The following INSYN2B variants were observed in gnomAD, a reference collection of about 807,000 sequenced individuals.
The protein encoded by INSYN2B is protein INSYN2B.
Under a neutral mutation model 41.2 loss-of-function variants are expected in INSYN2B, and 16 were observed. The ratio of observed to expected loss-of-function variants is 0.39; its 90% confidence interval spans 0.26 to 0.59. The LOEUF (loss-of-function observed/expected upper bound fraction) is 0.59. Among genes scored for constraint, INSYN2B ranks in the 20% least tolerant of loss-of-function variants. The pLI is 0.57. For synonymous variants in INSYN2B, 245 were observed against 244.4 expected, an observed-to-expected ratio of 1.00 and a Z score of -0.02; for missense variants, 608 against 646.4, an observed-to-expected ratio of 0.94 and a Z score of 0.64.
At chr5:169,891,350 T>C (rs1165874730) in intron 1 of INSYN2B, among the ~76,000 whole-genome samples, 4 of 152,234 alleles carry the variant, frequency 2.6e-5, no homozygotes, top group Non-Finnish European at 5.9e-5. Context: ...ACTTTAGTAT[T>C]TGTTGAATGA....
At chr5:169,895,434 G>A (rs79960070) in intron 1 of INSYN2B, among the ~76,000 whole-genome samples, 9,338 of 152,074 alleles carry the variant, frequency 0.061, 358 homozygotes, top group Non-Finnish European at 0.088. Flanking sequence ...CTGGAGATCC[G>A]GGGACAGGGG....
rs189370464 is a variant in INSYN2B at position 169,872,725 on chromosome 5, C to T, written c.1422-8266G>A. ...GAAAGTTAACACACTTATTCACTGACGATGCAAGGTCACAAGGAAAGAGGG... is the reference window on the plus strand; with the variant it reads ...GAAAGTTAACACACTTATTCACTGATGATGCAAGGTCACAAGGAAAGAGGG... On this transcript the variant is annotated intron_variant, in intron 3 of 3. Transcript: ENST00000377365. Among the ~76,000 whole-genome samples the T allele has an allele frequency of 4.2e-3, 643 of 152,238 alleles. 7 individuals are homozygous for T. The highest frequency in any genetic ancestry group is 0.014 in the African/African-American group (600 of 41,540).
At chr5:169,977,940 C>T (rs1384818202) in intron 1 of INSYN2B, among the ~76,000 whole-genome samples, 1 of 152,152 alleles carries the variant, frequency 6.6e-6, no homozygotes, top group Non-Finnish European at 1.5e-5. Flanking sequence ...AACCAGATGG[C>T]AGACATGGGG....
chr5:169,965,053 C>T (rs562248510), intron 1 of INSYN2B, among the ~76,000 whole-genome samples: 1 of 152,208 alleles, frequency 6.6e-6, no homozygotes. Context: ...TCTGTTGAAG[C>T]CCTACTGTGT....
At chr5:169,945,393 G>A (rs1038954925) in intron 1 of INSYN2B, among the ~76,000 whole-genome samples, 1 of 152,188 alleles carries the variant, frequency 6.6e-6, no homozygotes, top group Non-Finnish European at 1.5e-5. Context: ...GAACTCTTTG[G>A]GTCTCAGAGT....
chr5:169,956,057 C>A (rs1210488309), intron 1 of INSYN2B, among the ~76,000 whole-genome samples: 1 of 150,858 alleles, frequency 6.6e-6, no homozygotes, highest in Non-Finnish European at 1.5e-5. Flanking sequence ...AAAAAAAGAG[C>A]CCAGGCTTGG....
At chr5:169,967,472 TG>T (rs1777345108) in intron 1 of INSYN2B, among the ~76,000 whole-genome samples, 2 of 152,250 alleles carry the variant, frequency 1.3e-5, no homozygotes, top group South Asian at 4.1e-4. Flanking sequence ...AAGTTCTGTG[TG>T]GCCGGATGAT....
chr5:169,917,627 CG>C (rs1774948528), intron 1 of INSYN2B, among the ~76,000 whole-genome samples: 1 of 151,920 alleles, frequency 6.6e-6, no homozygotes, highest in Admixed American at 6.6e-5. Flanking sequence ...TTGGTGATTG[CG>C]AAACACTAGA....
chr5:169,979,069 A>G (rs1299006391), intron 1 of INSYN2B, among the ~76,000 whole-genome samples: 1 of 152,170 alleles, frequency 6.6e-6, no homozygotes. Context: ...ATTCCTAGGT[A>G]GTAAATATGT....
Position 169,980,442 on chromosome 5 carries a change from A to G in INSYN2B, c.-1084T>C, listed in dbSNP as rs770000321. 6.6e-6 allele frequency: 1 copy of G among 152,160 alleles called. No individual in the cohort carries two copies. The allele number at this position is 152,160 out of a possible 1,614,324, so 9.4% of individuals were successfully genotyped here. A position where few individuals can be genotyped will look rare whatever the true frequency, so the allele number is the denominator to read the frequency against. On this transcript the variant is annotated 5_prime_UTR_variant, in exon 1 of 4. Coordinates refer to ENST00000377365, the MANE Select transcript of INSYN2B (RefSeq NM_001129891.3). ...GTGTAGTGGGTCTGCTCACGTAGGA[A>G]TAAATAAAAAGCCGAACAAACTGCT...
intron 3 of INSYN2B, among the ~76,000 whole-genome samples, chr5:169,867,279 G>A (rs1771626817): frequency 6.6e-6 from 1 of 152,184 alleles, no homozygotes; most frequent in Non-Finnish European, 1.5e-5. Flanking sequence ...AGGAGGACAG[G>A]AGAAGGTCAG....
In INSYN2B at chr5:169,953,098, C is replaced by T. The variant is rs769288883; in HGVS notation, c.-919+27179G>A. Among the ~76,000 whole-genome samples the T allele has an allele frequency of 5.1e-4, 78 of 151,922 alleles. 1 individual carries two copies. Among genetic ancestry groups the T allele is most frequent in the Non-Finnish European group, 9.0e-4 (61 of 67,960 alleles). The stretch of plus-strand genomic sequence containing the variant: ...CAGCACTTTGGGAGGCTGAGGTGGG[C>T]GGATCACAAGGTCAGGAGTTCAAGA... On this transcript the variant is annotated intron_variant, in intron 1 of 3. Coordinates refer to ENST00000377365, the MANE Select transcript of INSYN2B (RefSeq NM_001129891.3).
chr5:169,890,917 G>C (rs1773244145), intron 1 of INSYN2B, among the ~76,000 whole-genome samples: 1 of 152,078 alleles, frequency 6.6e-6, no homozygotes, highest in African/African-American at 2.4e-5. Flanking sequence ...CAGTAATCTT[G>C]ATAATATTTA....
intron 1 of INSYN2B, among the ~76,000 whole-genome samples, chr5:169,941,095 C>T (rs951264544): frequency 1.3e-5 from 2 of 152,326 alleles, no homozygotes; most frequent in East Asian, 3.9e-4. Flanking sequence ...AGTCTTTAAT[C>T]TCACAAACTG....
At chr5:169,906,173 C>T (rs1774264333) in intron 1 of INSYN2B, among the ~76,000 whole-genome samples, 2 of 152,158 alleles carry the variant, frequency 1.3e-5, no homozygotes, top group African/African-American at 4.8e-5. Context: ...TACTACATGC[C>T]AGGCATTGTG....
At chr5:169,893,120 T>A (rs1773390948) in intron 1 of INSYN2B, among the ~76,000 whole-genome samples, 1 of 152,228 alleles carries the variant, frequency 6.6e-6, no homozygotes. Flanking sequence ...TTCCTTTGGC[T>A]ATTCTATGTC....
At chr5:169,901,207 G>A (rs981088713) in intron 1 of INSYN2B, among the ~76,000 whole-genome samples, 1 of 152,262 alleles carries the variant, frequency 6.6e-6, no homozygotes, top group South Asian at 2.1e-4. Flanking sequence ...GGGTGTCCAG[G>A]CAAACGAACA....
chr5:169,877,061 TG>T (rs1157849413), intron 3 of INSYN2B, among the ~76,000 whole-genome samples: 2 of 152,080 alleles, frequency 1.3e-5, no homozygotes, highest in Non-Finnish European at 2.9e-5. Context: ...GATTGGATTG[TG>T]AGGTTGTCCA....
At chr5:169,911,696 G>A (rs898650019) in intron 1 of INSYN2B, among the ~76,000 whole-genome samples, 7 of 152,170 alleles carry the variant, frequency 4.6e-5, no homozygotes, top group Non-Finnish European at 7.4e-5. Flanking sequence ...AATTAGCCAA[G>A]AAGTTGGTGC....
Sources: allele counts gnomAD v4.1 joint callset (sites outside exome capture counted in the v4.1 genomes callset), GRCh38; gene constraint gnomAD v4.1.1; transcripts MANE v1.5; gene names NCBI Gene and HGNC (gene_info 2026-07-23, HGNC 2026-07-21).